Variants in CCDC158 observed in about 807,000 individuals in gnomAD.
CCDC158 encodes coiled-coil domain containing 158, also known as coiled-coil domain-containing protein 158.
CCDC158 carries 116 observed loss-of-function variants against 138.6 expected under a neutral mutation model. That is an observed-to-expected ratio of 0.84 (90% CI 0.72 to 0.98). The LOEUF (loss-of-function observed/expected upper bound fraction) is 0.98, where lower values mean the gene tolerates loss of function less well. CCDC158 is among the 50% of genes least tolerant of loss of function. CCDC158 has a pLI of 0.00. For synonymous variants in CCDC158, 436 were observed against 442.4 expected, an observed-to-expected ratio of 0.99 and a Z score of 0.18; for missense variants, 1,265 against 1,306.1, an observed-to-expected ratio of 0.97 and a Z score of 0.48.
At chr4:76,342,101 T>C (rs1483139523) in intron 18 of CCDC158, among the ~76,000 whole-genome samples, 1 of 152,166 alleles carries the variant, frequency 6.6e-6, no homozygotes, top group East Asian at 1.9e-4. Context: ...GAGAGAGTCC[T>C]ACTCTGCTGC....
At chr4:76,345,908 AC>A (rs1198282034) in intron 18 of CCDC158, among the ~76,000 whole-genome samples, 1 of 152,094 alleles carries the variant, frequency 6.6e-6, no homozygotes, top group Non-Finnish European at 1.5e-5. Context: ...TTCATATGGA[AC>A]CAAAAAAGAG....
At chr4:76,314,146 C>T (rs974854659) in intron 24 of CCDC158, among the ~76,000 whole-genome samples, 9 of 152,184 alleles carry the variant, frequency 5.9e-5, no homozygotes, top group Admixed American at 4.6e-4. Flanking sequence ...AGAATTCCCC[C>T]TAAAAATATT....
Position 76,396,368 on chromosome 4 carries a change from A to G in CCDC158, c.189T>C (p.Ser63=). 2 of 1,613,928 alleles carry G rather than the reference A, an allele frequency of 1.2e-6. No homozygotes were observed. Among genetic ancestry groups the G allele is most frequent in the East Asian group, 2.2e-5 (1 of 44,854 alleles). Residue 63 remains serine, a synonymous_variant, in exon 4 of 25, where the codon TCT becomes TCC. Coordinates refer to ENST00000682701, the MANE Select transcript of CCDC158 (RefSeq NM_001394954.1). ...CAGGAGATGGGATGATTTTTCTAGG[A>G]GAATCAAGTTCCACTTCATATTTAG... The part of the protein sequence containing the change: ...FFPKYEVELD[S]PRKIIPSPGK...
intron 11 of CCDC158, among the ~76,000 whole-genome samples, chr4:76,368,488 G>A (rs561795805): frequency 6.6e-6 from 1 of 152,308 alleles, no homozygotes; most frequent in South Asian, 2.1e-4. Flanking sequence ...GCCAAGACCA[G>A]TCCCTTGGTT....
intron 9 of CCDC158, 108 bp downstream of exon 9, chr4:76,379,182 T>C: frequency 3.7e-6 from 2 of 534,978 alleles, no homozygotes; most frequent in Non-Finnish European, 6.3e-6. Context: ...AAACTGCTTT[T>C]AATTTGAAAT....
chr4:76,386,446 A>G (rs985285731), intron 4 of CCDC158, among the ~76,000 whole-genome samples: 1 of 146,326 alleles, frequency 6.8e-6, no homozygotes. Context: ...CCAAGTAACC[A>G]ATGGAATCCT....
chr4:76,400,073 AG>A (rs553407144), intron 3 of CCDC158, among the ~76,000 whole-genome samples: 18 of 152,286 alleles, frequency 1.2e-4, no homozygotes, highest in African/African-American at 4.3e-4. Context: ...GACAGAAGAC[AG>A]GGGAAGGGAG....
chr4:76,352,596 T>A (rs1054637326), intron 16 of CCDC158: 1 of 152,194 alleles, frequency 6.6e-6, no homozygotes. Flanking sequence ...CCAGAGTTTC[T>A]AGGTGACAGG....
chr4:76,322,103 C>G (rs1309542357), intron 24 of CCDC158, among the ~76,000 whole-genome samples: 1 of 151,758 alleles, frequency 6.6e-6, no homozygotes, highest in African/African-American at 2.4e-5. Flanking sequence ...GAACTTTTCC[C>G]TGTAACTAAA....
chr4:76,388,093 C>T (rs1726985466), intron 4 of CCDC158, among the ~76,000 whole-genome samples: 2 of 152,108 alleles, frequency 1.3e-5, no homozygotes, highest in Admixed American at 6.5e-5. Context: ...TGAGAGTATG[C>T]TTTGGGCCTT....
rs1222543301 is a variant in CCDC158, at chr4:76,355,345, C to G, written c.2265G>C (p.Glu755Asp). 6.2e-7 allele frequency: 1 copy of G among 1,613,726 alleles called. No individual in the cohort carries two copies. Among genetic ancestry groups the G allele is most frequent in the East Asian group, 2.2e-5 (1 of 44,876 alleles). The change falls in exon 15 of 25, where the codon GAG becomes GAC. Residue 755 changes from glutamate (E) to aspartate (D), a missense_variant. Coordinates refer to ENST00000682701, the MANE Select transcript of CCDC158 (RefSeq NM_001394954.1). Reference protein sequence around the residue: ...ALQSKIQFLEEAMTNANKEKH... With the variant: ...ALQSKIQFLEDAMTNANKEKH... ...CCACCTTATTTGCATTTGTCATTGC[C>G]TCTTCCAAAAACTGTATCTTGCTCT...
chr4:76,369,680 C>T (rs1489298095), intron 10 of CCDC158, 57 bp from the exon 11 acceptor site: 30 of 1,450,392 alleles, frequency 2.1e-5, no homozygotes, highest in African/African-American at 2.8e-5. Context: ...TAAGATAAAA[C>T]ATATTGTCTT....
rs747112912 is a variant in CCDC158 at position 76,357,459 on chromosome 4, C to T, written c.2088G>A (p.Lys696=). Residue 696 remains lysine, a synonymous_variant, in exon 14 of 25, where the codon AAG becomes AAA. Coordinates refer to ENST00000682701, the MANE Select transcript of CCDC158 (RefSeq NM_001394954.1). ...KSEEMEMTTN[K]LKMQLKSAQS... is the part of the protein sequence containing the mutation. Reference sequence around the variant, plus strand: ...GTGCAGATTTTAATTGCATTTTCAACTTATTTGTAGTCATTTCCATTTCTT... The same window carrying T: ...GTGCAGATTTTAATTGCATTTTCAATTTATTTGTAGTCATTTCCATTTCTT... The T allele has an allele frequency of 2.5e-6, 4 of 1,605,542 alleles. No homozygotes were observed. The highest frequency in any genetic ancestry group is 1.7e-6 in the Non-Finnish European group (2 of 1,175,342).
At chr4:76,357,875 C>T (rs1723732670) in intron 13 of CCDC158, among the ~76,000 whole-genome samples, 1 of 152,094 alleles carries the variant, frequency 6.6e-6, no homozygotes. Context: ...AGATGAATCT[C>T]CATGACACTA....
chr4:76,406,632 C>T (rs1370283432), intron 2 of CCDC158, among the ~76,000 whole-genome samples: 2 of 152,168 alleles, frequency 1.3e-5, no homozygotes, highest in Non-Finnish European at 2.9e-5. Flanking sequence ...CAAACAACAC[C>T]TTCTGGTCAC....
At chr4:76,362,039 C>A in intron 13 of CCDC158, 87 bp downstream of exon 13, 3 of 1,004,466 alleles carry the variant, frequency 3.0e-6, no homozygotes, top group Non-Finnish European at 4.4e-6. Flanking sequence ...AGTGAGACAC[C>A]CTTCTTTTGC....
intron 16 of CCDC158, 142 bp from the exon 17 acceptor site, chr4:76,351,954 T>C (rs1297873265): frequency 3.4e-6 from 2 of 580,344 alleles, no homozygotes; most frequent in African/African-American, 1.9e-5. Context: ...TCTATTTATC[T>C]GTTTTATTTA....
chr4:76,358,738 T>C (rs1007740466), intron 13 of CCDC158, among the ~76,000 whole-genome samples: 5 of 152,214 alleles, frequency 3.3e-5, no homozygotes, highest in African/African-American at 1.2e-4. Flanking sequence ...ATCTTTGTAC[T>C]CAATACACTT....
intron 13 of CCDC158, 101 bp downstream of exon 13, chr4:76,362,025 T>C: frequency 1.2e-6 from 1 of 836,486 alleles, no homozygotes; most frequent in Non-Finnish European, 1.9e-6. Flanking sequence ...ATGTTTGTCA[T>C]GTGAGTGAGA....
Sources: allele counts gnomAD v4.1 joint callset (sites outside exome capture counted in the v4.1 genomes callset), GRCh38; gene constraint gnomAD v4.1.1; transcripts MANE v1.5; gene names NCBI Gene and HGNC (gene_info 2026-07-23, HGNC 2026-07-21).